The following FARS2 variants were observed in gnomAD, a reference collection of about 807,000 sequenced individuals.
FARS2 encodes the protein phenylalanyl-tRNA synthetase 2, mitochondrial, also known as phenylalanine--tRNA ligase, mitochondrial.
A neutral mutation model predicts 46.4 loss-of-function variants in FARS2; 40 were observed. The ratio of observed to expected loss-of-function variants is 0.86; its 90% CI spans 0.67 to 1.12. The LOEUF (loss-of-function observed/expected upper bound fraction) is 1.12. Among genes scored for constraint, FARS2 ranks in the 50% most tolerant of loss-of-function variants. The pLI is 0.00. For missense variants in FARS2, 513 were observed against 567.9 expected, an observed-to-expected ratio of 0.90 and a Z score of 0.98; for synonymous variants, 234 against 214.9, an observed-to-expected ratio of 1.09 and a Z score of -0.78.
At chr6:5,749,035 C>T (rs943161603) in intron 6 of FARS2, among the ~76,000 whole-genome samples, 8 of 152,330 alleles carry the variant, frequency 5.3e-5, no homozygotes, top group African/African-American at 1.9e-4. Context: ...CCTAACCTGC[C>T]TTCCCAGAAG....
intron 1 of FARS2, among the ~76,000 whole-genome samples, chr6:5,274,147 G>A (rs952496421): frequency 6.6e-6 from 1 of 152,194 alleles, no homozygotes; most frequent in Non-Finnish European, 1.5e-5. Context: ...ACAAAGAGGA[G>A]CTACTGTAAC....
chr6:5,538,553 A>C (rs1285289833), intron 4 of FARS2, among the ~76,000 whole-genome samples: 1 of 152,192 alleles, frequency 6.6e-6, no homozygotes, highest in Non-Finnish European at 1.5e-5. Context: ...AATTAAAAAA[A>C]TCCAGTTGTC....
At chr6:5,521,211 C>A (rs1769114827) in intron 4 of FARS2, among the ~76,000 whole-genome samples, 1 of 151,932 alleles carries the variant, frequency 6.6e-6, no homozygotes, top group Non-Finnish European at 1.5e-5. Flanking sequence ...CTGATGATTT[C>A]TTTTGAGGTT....
At chr6:5,551,853 C>A (rs1395994031) in intron 5 of FARS2, among the ~76,000 whole-genome samples, 3 of 152,180 alleles carry the variant, frequency 2.0e-5, no homozygotes, top group Non-Finnish European at 2.9e-5. Context: ...AAACACCTCA[C>A]CCTCTCTCTG....
At chr6:5,736,153 C>T (rs1323214122) in intron 6 of FARS2, among the ~76,000 whole-genome samples, 2 of 152,186 alleles carry the variant, frequency 1.3e-5, no homozygotes, top group Non-Finnish European at 2.9e-5. Flanking sequence ...AGGAAAGGCT[C>T]GGTTCCTCCC....
intron 6 of FARS2, among the ~76,000 whole-genome samples, chr6:5,671,601 C>T (rs1019684667): frequency 6.6e-6 from 1 of 152,218 alleles, no homozygotes; most frequent in Non-Finnish European, 1.5e-5. Flanking sequence ...GGCGTTATTT[C>T]TTCCTAAGCC....
intron 5 of FARS2, among the ~76,000 whole-genome samples, chr6:5,552,869 C>T (rs149299859): frequency 2.6e-5 from 4 of 152,288 alleles, no homozygotes; most frequent in African/African-American, 9.6e-5. Flanking sequence ...GTCTTTGTTG[C>T]ATATACTCCT....
chr6:5,383,417 C>T (rs1334301819), intron 2 of FARS2, among the ~76,000 whole-genome samples: 1 of 152,244 alleles, frequency 6.6e-6, no homozygotes, highest in African/African-American at 2.4e-5. Flanking sequence ...TATAGCAGTG[C>T]TTGTTATTCT....
chr6:5,307,504 C>T (rs1163914096), intron 1 of FARS2, among the ~76,000 whole-genome samples: 1 of 152,194 alleles, frequency 6.6e-6, no homozygotes, highest in East Asian at 1.9e-4. Flanking sequence ...TGCACACACA[C>T]ATGCACAATT....
At chr6:5,693,346 G>C (rs1002372257) in intron 6 of FARS2, among the ~76,000 whole-genome samples, 1 of 152,180 alleles carries the variant, frequency 6.6e-6, no homozygotes, top group Admixed American at 6.5e-5. Context: ...CACTAATCCT[G>C]GAGCAGCCTG....
rs1276776821 is a variant in FARS2, at chr6:5,579,644, ATCTT to A, written c.1066-33519_1066-33516del. 2.0e-5 allele frequency among the ~76,000 whole-genome samples: 3 copies of A among 152,282 alleles called. No homozygotes were observed. In the East Asian group the frequency reaches 5.8e-4, roughly 29 times the overall value. On this transcript the variant is annotated intron_variant, in intron 5 of 6. Coordinates refer to ENST00000274680, the MANE Select transcript of FARS2 (RefSeq NM_006567.5). ...CAAGTTATTTTTCCCCCAAACCAAT[ATCTT>A]TCTTTGTCCATTAGAACATGCTTTA...
intron 5 of FARS2, among the ~76,000 whole-genome samples, chr6:5,612,115 T>G (rs1775221138): frequency 6.6e-6 from 1 of 152,226 alleles, no homozygotes; most frequent in Non-Finnish European, 1.5e-5. Context: ...ACTATCGTGT[T>G]TGTATGAAAT....
At chr6:5,709,724 GT>G (rs1236535930) in intron 6 of FARS2, among the ~76,000 whole-genome samples, 5 of 100,346 alleles carry the variant, frequency 5.0e-5, no homozygotes, top group African/African-American at 1.6e-4. Flanking sequence ...GTTGGGGGGG[GT>G]GGGGTTGTGT....
At chr6:5,281,619 C>T (rs1465695131) in intron 1 of FARS2, among the ~76,000 whole-genome samples, 2 of 152,040 alleles carry the variant, frequency 1.3e-5, no homozygotes, top group Non-Finnish European at 2.9e-5. Context: ...CAGCAGCTCC[C>T]CATTCTCCCA....
At chr6:5,605,613 T>TC (rs1774788660) in intron 5 of FARS2, among the ~76,000 whole-genome samples, 1 of 152,226 alleles carries the variant, frequency 6.6e-6, no homozygotes, top group Admixed American at 6.5e-5. Flanking sequence ...CACAATTATC[T>TC]CCCATGCAGG....
chr6:5,256,494 A>C (rs1218324409), upstream of FARS2, among the ~76,000 whole-genome samples: 2 of 21,354 alleles, frequency 9.4e-5, no homozygotes, highest in Non-Finnish European at 1.6e-4. Flanking sequence ...TCAACTGGAA[A>C]AAAAAAAAAA....
intron 6 of FARS2, among the ~76,000 whole-genome samples, chr6:5,706,877 C>T (rs1758794292): frequency 6.6e-6 from 1 of 152,210 alleles, no homozygotes; most frequent in Non-Finnish European, 1.5e-5. Flanking sequence ...TGAGAAATTT[C>T]GAGCTTTCCA....
intron 6 of FARS2, among the ~76,000 whole-genome samples, chr6:5,677,728 CAG>C (rs972080723): frequency 9.2e-5 from 14 of 152,192 alleles, no homozygotes; most frequent in Admixed American, 5.2e-4. Context: ...GCTTATATAA[CAG>C]AGTGTGTGTT....
At chr6:5,421,536 C>T (rs1037948632) in intron 3 of FARS2, among the ~76,000 whole-genome samples, 17 of 152,182 alleles carry the variant, frequency 1.1e-4, no homozygotes, top group African/African-American at 4.1e-4. Context: ...ACAGATTTTC[C>T]AAACTTTTAT....
Sources: gnomAD v4.1 joint callset for allele counts (sites outside exome capture counted in the v4.1 genomes callset) on GRCh38, gnomAD v4.1.1 for gene constraint, MANE v1.5 for transcripts, NCBI Gene and HGNC (gene_info 2026-07-23, HGNC 2026-07-21) for gene names.